The following PACRGL variants were observed in gnomAD, a reference collection of about 807,000 sequenced individuals.
PACRGL encodes PACRG-like protein.
PACRGL carries 38 observed loss-of-function variants against 34.5 expected under a neutral mutation model. The observed-to-expected ratio is 1.10, with a 90% CI of 0.85 to 1.44. The LOEUF is 1.44. Among genes scored for constraint, PACRGL ranks in the 40% most tolerant of loss-of-function variants. The pLI is 0.00. For synonymous variants in PACRGL, 128 were observed against 100.1 expected, an observed-to-expected ratio of 1.28 and a Z score of -1.66; for missense variants, 305 against 281.4, an observed-to-expected ratio of 1.08 and a Z score of -0.60.
chr4:20,744,534 G>A (rs1453740264), intron 8 of PACRGL, among the ~76,000 whole-genome samples: 8 of 151,756 alleles, frequency 5.3e-5, no homozygotes, highest in Admixed American at 2.0e-4. Flanking sequence ...ACCAAACACC[G>A]CATGTTCTCA....
At chr4:20,762,103 A>G in the PACRGL span, among the ~76,000 whole-genome samples, 1 of 152,188 alleles carries the variant, frequency 6.6e-6, no homozygotes, top group African/African-American at 2.4e-5. Context: ...TTCTCATAGT[A>G]CTGGAGGCTA....
chr4:20,749,867 CT>C, intron 8 of PACRGL: 1 of 551,296 alleles, frequency 1.8e-6, no homozygotes, highest in Non-Finnish European at 3.2e-6. Flanking sequence ...TTCACAACTG[CT>C]TACCCTCTTT....
chr4:20,710,067 A>AT (rs535024938), intron 5 of PACRGL, among the ~76,000 whole-genome samples: 1 of 152,266 alleles, frequency 6.6e-6, no homozygotes, highest in East Asian at 1.9e-4. Flanking sequence ...ATGAGGAGAG[A>AT]TTTTTTGGTA....
chr4:20,761,329 G>A, the PACRGL span, among the ~76,000 whole-genome samples: 1 of 152,130 alleles, frequency 6.6e-6, no homozygotes, highest in Non-Finnish European at 1.5e-5. Context: ...CCATTTCTCT[G>A]AAGGACCCTA....
At chr4:20,704,838 T>G in intron 3 of PACRGL, 24 bp downstream of exon 3, 1 of 1,610,628 alleles carries the variant, frequency 6.2e-7, no homozygotes, top group Non-Finnish European at 8.5e-7. Context: ...TATTCCTAAC[T>G]CAGTAGATTT....
In PACRGL at chr4:20,748,232, C is replaced by T. The variant is rs144057043; in HGVS notation, c.*57-4333C>T. Among the ~76,000 whole-genome samples, 47 of 152,186 alleles carry T rather than the reference C, an allele frequency of 3.1e-4. No individual in the cohort carries two copies. In the East Asian group the frequency reaches 8.0e-3, roughly 26 times the overall value. On this transcript the variant is annotated intron_variant, in intron 8 of 8. Transcript: ENST00000507634. ...TTCCCCAACCTTCGCTCTTGGCTCT[C>T]CAATTGTGTATTCTATCTTCTTGAT...
At position 20,731,463 on chromosome 4, in the gene PACRGL, C is replaced by T; in HGVS notation, c.*4122C>T. On this transcript the variant is annotated 3_prime_UTR_variant, in exon 9 of 9. Coordinates refer to ENST00000503585, the MANE Select transcript of PACRGL (RefSeq NM_001258345.3). Reference sequence around the variant, plus strand: ...TGGTTTCTTTGATAACAGGCTACTACCTGGAGTTCTCTTCAGAGAAAATTT... The same window carrying T: ...TGGTTTCTTTGATAACAGGCTACTATCTGGAGTTCTCTTCAGAGAAAATTT... 2 of 985,242 alleles carry T rather than the reference C, an allele frequency of 2.0e-6. No homozygotes were observed. The highest frequency in any genetic ancestry group is 2.4e-6 in the Non-Finnish European group (2 of 829,806). 61.0% of individuals were successfully genotyped at this position (985,242 alleles called of 1,614,324 possible).
intron 6 of PACRGL, 116 bp from the exon 7 acceptor site, chr4:20,713,316 A>C: frequency 1.4e-6 from 1 of 695,322 alleles, no homozygotes; most frequent in Non-Finnish European, 2.4e-6. Flanking sequence ...CTGATTGTAG[A>C]TGTTTAATCT....
At position 20,707,831 on chromosome 4, in the gene PACRGL, C is replaced by T. The variant is rs1161260643; in HGVS notation, c.236C>T (p.Ala79Val). ...GGTGAACAGTCACGAGTGCCTTCTG[C>T]ATTTGCAGCTATTTACTCTAAAGGA... The part of the protein sequence containing the change: ...PFGEQSRVPS[A>V]FAAIYSKGGI... Residue 79 changes from alanine to valine, a missense_variant, in exon 4 of 9, where the codon GCA (alanine) becomes GTA (valine). Physicochemically the swap from Ala to Val is moderately conservative, Grantham distance 64. Coordinates refer to ENST00000503585, the MANE Select transcript of PACRGL (RefSeq NM_001258345.3). The T allele has an allele frequency of 3.7e-6, 6 of 1,613,742 alleles. No homozygotes were observed. The highest frequency in any genetic ancestry group is 5.1e-6 in the Non-Finnish European group (6 of 1,179,690).
the PACRGL span, among the ~76,000 whole-genome samples, chr4:20,765,890 G>A: frequency 1.3e-5 from 2 of 152,134 alleles, no homozygotes; most frequent in African/African-American, 2.4e-5. Context: ...CAGGCCATGT[G>A]GGGACACATG....
the PACRGL span, among the ~76,000 whole-genome samples, chr4:20,758,123 A>G: frequency 2.0e-5 from 3 of 152,160 alleles, no homozygotes; most frequent in Non-Finnish European, 4.4e-5. Flanking sequence ...TGGGACAAAT[A>G]TAAGTTGGGC....
chr4:20,724,694 T>G (rs1245236703), intron 7 of PACRGL, 114 bp from the exon 8 acceptor site: 1 of 474,138 alleles, frequency 2.1e-6, no homozygotes, highest in Non-Finnish European at 3.5e-6. Flanking sequence ...AGATGCTTCC[T>G]AAAAAAAGCC....
chr4:20,713,463 G>T lies in PACRGL; in HGVS notation c.533G>T (p.Gly178Val). 6.2e-7 allele frequency: 1 copy of T among 1,613,664 alleles called. No homozygotes were observed. Among genetic ancestry groups the T allele is most frequent in the Non-Finnish European group, 8.5e-7 (1 of 1,179,758 alleles). Residue 178 changes from glycine to valine, a missense_variant, in exon 7 of 9, where the codon GGA (glycine) becomes GTA (valine). Transcript: ENST00000503585. Reference protein sequence around the residue: ...VHSDDEVFERGLNALVQLSVV... With the variant: ...VHSDDEVFERVLNALVQLSVV... ...TCGGATGATGAAGTGTTTGAAAGAG[G>T]ATTGAATGCTCTAGTTCAGCTAAGT...
chr4:20,749,677 T>C, intron 8 of PACRGL: 1 of 1,606,848 alleles, frequency 6.2e-7, no homozygotes, highest in Non-Finnish European at 8.5e-7. Flanking sequence ...AACTCACAGC[T>C]CCATTGTGGT....
At chr4:20,734,706 G>A, downstream of PACRGL, 1 of 1,588,272 alleles carries the variant, frequency 6.3e-7, no homozygotes, top group Non-Finnish European at 8.6e-7. Context: ...CTGTCCCCCG[G>A]AGCAAAATGG....
rs759116590 is a variant in PACRGL at position 20,730,152 on chromosome 4, G to T, written c.*2811G>T. 2 of 1,590,132 alleles carry T rather than the reference G, an allele frequency of 1.3e-6. No individual in the cohort carries two copies. The highest frequency in any genetic ancestry group is 1.7e-6 in the Non-Finnish European group (2 of 1,169,646). ...ATCCTGTAAGGGAGAAACACAGAGC[G>T]ATTAAATTCAGCATATCTGCAAGGA... is the stretch of plus-strand genomic sequence containing the variant. On this transcript the variant is annotated 3_prime_UTR_variant, in exon 9 of 9. Transcript: ENST00000503585.
At chr4:20,711,842 A>C (rs1411519162) in intron 5 of PACRGL, among the ~76,000 whole-genome samples, 1 of 152,166 alleles carries the variant, frequency 6.6e-6, no homozygotes, top group Non-Finnish European at 1.5e-5. Flanking sequence ...TTCATACTGC[A>C]TTTCAGTATT....
intron 8 of PACRGL, among the ~76,000 whole-genome samples, chr4:20,740,899 A>G (rs997608154): frequency 1.3e-4 from 20 of 151,760 alleles, no homozygotes; most frequent in African/African-American, 4.9e-4. Flanking sequence ...ATGGAAAACA[A>G]AAAAAAAGCA....
Position 20,712,848 on chromosome 4 carries a change from CT to C in PACRGL, c.431del (p.Leu144TrpfsTer16), listed in dbSNP as rs1737963237. On this transcript the variant is annotated frameshift_variant, in exon 6 of 9. Coordinates refer to ENST00000503585, the MANE Select transcript of PACRGL (RefSeq NM_001258345.3). LOFTEE classifies it high-confidence loss of function. Reference protein sequence around the residue: ...FVSKEGFRELLLVKGAPEKAI... With the variant: ...FVSKEGFRELXLVKGAPEKAI... ...GTCAAAGGAGGGTTTTAGAGAATTA[CT>C]TTTGGTCAAAGGTGCTCCTGAAAAA... is the stretch of plus-strand genomic sequence containing the variant. 6.2e-7 allele frequency: 1 copy of C among 1,604,806 alleles called. No homozygotes were observed. The highest frequency in any genetic ancestry group is 2.2e-5 in the East Asian group (1 of 44,622).
Sources: gnomAD v4.1 joint callset for allele counts (sites outside exome capture counted in the v4.1 genomes callset) on GRCh38, gnomAD v4.1.1 for gene constraint, MANE v1.5 for transcripts, NCBI Gene and HGNC (gene_info 2026-07-23, HGNC 2026-07-21) for gene names.